Variants in CDH12 observed in about 807,000 individuals in gnomAD.
CDH12 encodes cadherin 12.
In CDH12, 41 loss-of-function variants were observed where a neutral mutation model predicts 74.1. The ratio of observed to expected loss-of-function variants is 0.55; its 90% confidence interval spans 0.43 to 0.72. The LOEUF is 0.72. Among genes scored for constraint, CDH12 ranks in the 30% least tolerant of loss-of-function variants. The pLI, the probability that CDH12 is intolerant of heterozygous loss-of-function variation, is 0.00. For synonymous variants in CDH12, 399 were observed against 355.0 expected (o/e 1.12, Z -1.39); for missense variants, 945 against 977.2 (o/e 0.97, Z 0.44).
intron 3 of CDH12, among the ~76,000 whole-genome samples, chr5:22,293,520 A>G (rs1580491047): frequency 2.0e-5 from 3 of 152,282 alleles, no homozygotes; most frequent in South Asian, 2.1e-4. Flanking sequence ...CTGCACTCTC[A>G]TTTTTATTGA....
chr5:21,829,466 A>G (rs754895302), intron 8 of CDH12, among the ~76,000 whole-genome samples: 18 of 152,326 alleles, frequency 1.2e-4, no homozygotes, highest in Non-Finnish European at 2.1e-4. Context: ...TTATTCATCA[A>G]ATGATATATT....
At chr5:22,651,934 G>T (rs183856) in intron 1 of CDH12, among the ~76,000 whole-genome samples, 88,266 of 151,692 alleles carry the variant, frequency 0.58, 26,244 homozygotes, top group East Asian at 0.88. Flanking sequence ...AACCCCCCTC[G>T]GACACTGAAG....
chr5:22,619,236 G>T (rs867531296), intron 1 of CDH12, among the ~76,000 whole-genome samples: 1 of 152,010 alleles, frequency 6.6e-6, no homozygotes, highest in African/African-American at 2.4e-5. Context: ...AACAAAGGTC[G>T]TGTATTTTAC....
In CDH12 at chr5:22,345,366, CT is replaced by C. The variant is rs1164297501; in HGVS notation, c.-333+59890del. 2.0e-5 allele frequency among the ~76,000 whole-genome samples: 3 copies of C among 152,138 alleles called. No homozygotes were observed. The East Asian group carries it at 5.8e-4, about 29-fold the overall frequency. On this transcript the variant is annotated intron_variant, in intron 3 of 14. Coordinates refer to ENST00000382254, the MANE Select transcript of CDH12 (RefSeq NM_004061.5). ...TTTGAAATTTAATGTGTAAAGTTCTCTTTTTTTCTCTTGAAGTGTATACCTT... is the reference window on the plus strand; with the variant it reads ...TTTGAAATTTAATGTGTAAAGTTCTCTTTTTTCTCTTGAAGTGTATACCTT...
At chr5:22,549,203 C>A (rs1223968103) in intron 1 of CDH12, among the ~76,000 whole-genome samples, 1 of 151,608 alleles carries the variant, frequency 6.6e-6, no homozygotes, top group Non-Finnish European at 1.5e-5. Flanking sequence ...GAATTCCTGG[C>A]CTTAAGCAAT....
chr5:21,843,177 T>C (rs1284133864), intron 7 of CDH12, among the ~76,000 whole-genome samples: 1 of 152,190 alleles, frequency 6.6e-6, no homozygotes, highest in East Asian at 1.9e-4. Context: ...CTTTAGTCAA[T>C]GGCTTTAGGG....
At chr5:22,492,899 C>T (rs1018755604) in intron 2 of CDH12, among the ~76,000 whole-genome samples, 4 of 152,082 alleles carry the variant, frequency 2.6e-5, no homozygotes, top group African/African-American at 9.6e-5. Context: ...GACCACCGAT[C>T]GCACACAGAA....
chr5:22,821,900 C>T (rs1489667545), intron 1 of CDH12, among the ~76,000 whole-genome samples: 1 of 151,334 alleles, frequency 6.6e-6, no homozygotes, highest in Admixed American at 6.6e-5. Flanking sequence ...TCATATGGAA[C>T]CAAAAAAGAG....
chr5:22,081,067 C>G (rs1249745555), intron 4 of CDH12, among the ~76,000 whole-genome samples: 2 of 152,138 alleles, frequency 1.3e-5, no homozygotes. Context: ...GCGTGAGCCA[C>G]CTCGCTTGGC....
intron 3 of CDH12, among the ~76,000 whole-genome samples, chr5:22,312,238 A>G (rs1284603235): frequency 6.6e-6 from 1 of 152,100 alleles, no homozygotes; most frequent in Admixed American, 6.5e-5. Flanking sequence ...GAATATAAAC[A>G]TATTGAGTAC....
intron 1 of CDH12, among the ~76,000 whole-genome samples, chr5:22,590,545 CTT>C (rs1280098698): frequency 6.6e-6 from 1 of 152,066 alleles, no homozygotes; most frequent in African/African-American, 2.4e-5. Flanking sequence ...ATTAAATACT[CTT>C]TAGTAATTTT....
chr5:21,861,684 A>G (rs1284700620), intron 6 of CDH12, among the ~76,000 whole-genome samples: 1 of 152,122 alleles, frequency 6.6e-6, no homozygotes, highest in Non-Finnish European at 1.5e-5. Context: ...CAATTCTGCT[A>G]TTAGTAAATT....
chr5:22,173,975 C>T (rs779815641), intron 4 of CDH12, among the ~76,000 whole-genome samples: 1 of 151,880 alleles, frequency 6.6e-6, no homozygotes, highest in Non-Finnish European at 1.5e-5. Flanking sequence ...TTTGGTTATA[C>T]TCATAGAATT....
chr5:21,808,391 C>T (rs1747554536), intron 9 of CDH12, among the ~76,000 whole-genome samples: 1 of 151,852 alleles, frequency 6.6e-6, no homozygotes, highest in South Asian at 2.1e-4. Context: ...TTTACCAACA[C>T]AGTAAAGCCA....
intron 8 of CDH12, among the ~76,000 whole-genome samples, chr5:21,836,791 C>T (rs1013594036): frequency 1.3e-5 from 2 of 151,896 alleles, no homozygotes; most frequent in Admixed American, 6.6e-5. Flanking sequence ...TGGAAATCCT[C>T]TACAGATATC....
intron 1 of CDH12, among the ~76,000 whole-genome samples, chr5:22,522,255 G>A (rs1279275549): frequency 1.3e-5 from 2 of 152,138 alleles, no homozygotes; most frequent in Non-Finnish European, 2.9e-5. Flanking sequence ...AAGAGTAGAA[G>A]TATGGATTAG....
chr5:22,659,212 G>A (rs1740221270), intron 1 of CDH12, among the ~76,000 whole-genome samples: 2 of 152,060 alleles, frequency 1.3e-5, no homozygotes, highest in Non-Finnish European at 1.5e-5. Flanking sequence ...GTAGAAGTTT[G>A]ATAGTATTTA....
At chr5:22,295,662 A>G (rs1161276055) in intron 3 of CDH12, among the ~76,000 whole-genome samples, 3 of 152,142 alleles carry the variant, frequency 2.0e-5, no homozygotes, top group Non-Finnish European at 4.4e-5. Context: ...GAAATTCAGA[A>G]GCCTTTGAAA....
intron 3 of CDH12, among the ~76,000 whole-genome samples, chr5:22,236,597 A>G (rs1300870735): frequency 6.6e-6 from 1 of 152,046 alleles, no homozygotes; most frequent in Non-Finnish European, 1.5e-5. Context: ...CACACAAAAA[A>G]TTAGCTGGAC....
Sources: gnomAD v4.1 joint callset for allele counts (sites outside exome capture counted in the v4.1 genomes callset) on GRCh38, gnomAD v4.1.1 for gene constraint, MANE v1.5 for transcripts, NCBI Gene and HGNC (gene_info 2026-07-23, HGNC 2026-07-21) for gene names.